XRCC1: variants seen among roughly 807,000 people sequenced by gnomAD.
The protein encoded by XRCC1 is X-ray repair cross complementing 1, also known as DNA repair protein XRCC1.
Under a neutral mutation model 83.3 loss-of-function variants are expected in XRCC1, and 52 were observed. The observed-to-expected ratio is 0.62, with a 90% confidence interval of 0.50 to 0.79. XRCC1 has a LOEUF of 0.79. XRCC1 is among the 30% of genes least tolerant of loss of function. The pLI is 0.00. For missense variants in XRCC1, 793 were observed against 823.5 expected, an observed-to-expected ratio of 0.96 and a Z score of 0.45; for synonymous variants, 281 against 312.6, an observed-to-expected ratio of 0.90 and a Z score of 1.07.
intron 2 of XRCC1, among the ~76,000 whole-genome samples, chr19:43,568,108 C>T (rs966931582): frequency 3.3e-5 from 5 of 150,884 alleles, no homozygotes; most frequent in Non-Finnish European, 7.4e-5. Flanking sequence ...CACCTGACCT[C>T]GTGATCCACC....
chr19:43,566,302 G>T (rs559184671), intron 2 of XRCC1, among the ~76,000 whole-genome samples: 1 of 151,890 alleles, frequency 6.6e-6, no homozygotes, highest in African/African-American at 2.4e-5. Context: ...GGAGGCAGAG[G>T]TTGGCAGATC....
intron 10 of XRCC1, 42 bp downstream of exon 10, chr19:43,551,529 C>T: frequency 3.2e-6 from 5 of 1,553,978 alleles, no homozygotes; most frequent in Non-Finnish European, 4.4e-6. Context: ...CTGGCATTGC[C>T]CAGCACAGGA....
rs746010419 is a variant in XRCC1, at chr19:43,552,982, C to T, written c.711G>A (p.Lys237=). 21 of 1,604,224 alleles carry T rather than the reference C, an allele frequency of 1.3e-5. No homozygotes were observed. Among genetic ancestry groups the T allele is most frequent in the African/African-American group, 2.7e-5 (2 of 74,886 alleles). The change falls in exon 7 of 17, where the codon AAG becomes AAA. Residue 237 remains lysine, a splice_region_variant and synonymous_variant. Coordinates refer to ENST00000262887, the MANE Select transcript of XRCC1 (RefSeq NM_006297.3). ...PVSRAIGSTS[K]PQESPKGKRK... ...CCCCACCAAAGTCTGATGATTTCAC[C>T]TTGGAGGTGCTGCCTATGGCCCTGG...
chr19:43,552,263 G>T lies in XRCC1; in HGVS notation c.836C>A (p.Thr279Asn), dbSNP rs1972586058. Residue 279 changes from threonine to asparagine, a missense_variant, in exon 9 of 17, where the codon ACT becomes AAT. Physicochemically the swap from Thr to Asn is moderately conservative, Grantham distance 65. Transcript: ENST00000262887. ...GACTGGGGCTGTGGCTGGGGTACGA[G>T]TTGGAGCTGGCACTGGAGAAGACAA... is the stretch of plus-strand genomic sequence containing the variant. ...VPKRPKLPAP[T>N]RTPATAPVPA... 6.2e-7 allele frequency: 1 copy of T among 1,604,458 alleles called. No individual in the cohort carries two copies.
intron 2 of XRCC1, among the ~76,000 whole-genome samples, chr19:43,567,224 CT>C (rs1972762167): frequency 6.7e-6 from 1 of 148,850 alleles, no homozygotes; most frequent in Non-Finnish European, 1.5e-5. Flanking sequence ...TGAAAATATT[CT>C]GAATTAGAGA....
intron 3 of XRCC1, among the ~76,000 whole-genome samples, chr19:43,558,655 A>ATAC (rs1568515663): frequency 7.9e-5 from 12 of 151,020 alleles, no homozygotes; most frequent in African/African-American, 2.7e-4. Flanking sequence ...TAAATAAATA[A>ATAC]ATACATATAT....
At chr19:43,548,100 G>A (rs1277885459) in intron 10 of XRCC1, among the ~76,000 whole-genome samples, 1 of 144,628 alleles carries the variant, frequency 6.9e-6, no homozygotes, top group African/African-American at 2.6e-5. Context: ...CCCCATCCGG[G>A]AGGGAGGTGG....
intron 2 of XRCC1, 139 bp downstream of exon 2, chr19:43,574,771 A>G: frequency 2.9e-6 from 2 of 681,786 alleles, no homozygotes; most frequent in Non-Finnish European, 5.2e-6. Context: ...CACAGGGATT[A>G]TGCTGCCCAT....
At chr19:43,551,883 G>T in intron 9 of XRCC1, 134 bp downstream of exon 9, 1 of 1,131,240 alleles carries the variant, frequency 8.8e-7, no homozygotes, top group Non-Finnish European at 1.3e-6. Context: ...GCTACAGAAT[G>T]CAGTGAGAAA....
chr19:43,575,088 C>T, intron 1 of XRCC1, 86 bp from the exon 2 acceptor site: 1 of 1,128,862 alleles, frequency 8.9e-7, no homozygotes. Context: ...TGAGTCCTCC[C>T]AAGGCCTCTA....
chr19:43,573,162 G>A (rs191632889), intron 2 of XRCC1, among the ~76,000 whole-genome samples: 104 of 151,936 alleles, frequency 6.8e-4, no homozygotes, highest in Non-Finnish European at 1.2e-3. Context: ...TCAAACTCCT[G>A]GGTTCAAGCG....
At chr19:43,556,737 G>C (rs772354466) in intron 3 of XRCC1, among the ~76,000 whole-genome samples, 2 of 152,022 alleles carry the variant, frequency 1.3e-5, no homozygotes, top group South Asian at 4.1e-4. Context: ...CCCAGGAGGC[G>C]GAGGTTGCAG....
At position 43,543,352 on chromosome 19, in the gene XRCC1, G is replaced by C. The variant is rs368414217; in HGVS notation, c.*40C>G. 1.7e-6 allele frequency: 2 copies of C among 1,158,016 alleles called. No homozygotes were observed. Among genetic ancestry groups the C allele is most frequent in the Admixed American group, 2.1e-5 (1 of 47,170 alleles). The allele number at this position is 1,158,016 out of a possible 1,614,324, so 71.7% of individuals were successfully genotyped here. ...TTTATTAAATGCATCGTGTGTGTGT[G>C]TGTGTGTGTGTGTGTGTGTGTGTGT... On this transcript the variant is annotated 3_prime_UTR_variant, in exon 17 of 17. Coordinates refer to ENST00000262887, the MANE Select transcript of XRCC1 (RefSeq NM_006297.3).
intron 2 of XRCC1, among the ~76,000 whole-genome samples, chr19:43,564,085 C>G (rs1972727821): frequency 6.6e-6 from 1 of 152,170 alleles, no homozygotes; most frequent in Non-Finnish European, 1.5e-5. Flanking sequence ...ACGTCTATCT[C>G]ATAAAGTTGT....
At chr19:43,561,178 C>A (rs1366903274) in intron 2 of XRCC1, among the ~76,000 whole-genome samples, 158 bp from the exon 3 acceptor site, 2 of 152,176 alleles carry the variant, frequency 1.3e-5, no homozygotes, top group Admixed American at 6.5e-5. Context: ...CCCCTCCATG[C>A]AGCACAGGGT....
Position 43,561,007 on chromosome 19 carries a change from T to A in XRCC1, c.158A>T (p.Glu53Val), listed in dbSNP as rs1972693352. 6.2e-7 allele frequency: 1 copy of A among 1,613,918 alleles called. No homozygotes were observed. The change falls in exon 3 of 17, where the codon GAG becomes GTG. Residue 53 changes from glutamate to valine, a missense_variant. By Grantham distance (121) the Glu-to-Val change is moderately radical. Transcript: ENST00000262887. The stretch of plus-strand genomic sequence containing the variant: ...CCCAATGTCCACACTGTGTATCTGC[T>A]CCTCCTTCTCCAACTGTGGGCAGAG... ...ISVVLQLEKE[E>V]QIHSVDIGND...
intron 2 of XRCC1, among the ~76,000 whole-genome samples, chr19:43,571,509 CTTTTGT>C (rs1387271382): frequency 6.6e-6 from 1 of 152,128 alleles, no homozygotes; most frequent in Non-Finnish European, 1.5e-5. Flanking sequence ...GACTGAATTT[CTTTTGT>C]TTTTAAGAGA....
chr19:43,551,827 G>A (rs760407409), intron 9 of XRCC1, 140 bp from the exon 10 acceptor site: 71 of 996,972 alleles, frequency 7.1e-5, no homozygotes, highest in Non-Finnish European at 1.0e-4. Context: ...AACAAAAAGA[G>A]GTTGGAGACC....
At chr19:43,564,414 C>T (rs1222891607) in intron 2 of XRCC1, among the ~76,000 whole-genome samples, 1 of 152,116 alleles carries the variant, frequency 6.6e-6, no homozygotes, top group Non-Finnish European at 1.5e-5. Flanking sequence ...CTAACATTTT[C>T]GGATTCTCAC....
Sources: gnomAD v4.1 joint callset for allele counts (sites outside exome capture counted in the v4.1 genomes callset) on GRCh38, gnomAD v4.1.1 for gene constraint, MANE v1.5 for transcripts, NCBI Gene and HGNC (gene_info 2026-07-23, HGNC 2026-07-21) for gene names.